The following SETD1A variants were observed in gnomAD, a reference collection of about 807,000 sequenced individuals.
The protein encoded by SETD1A is SET domain containing 1A, histone lysine methyltransferase, also known as histone-lysine N-methyltransferase SETD1A.
A neutral mutation model predicts 149.9 loss-of-function variants in SETD1A; 29 were observed. The observed-to-expected ratio is 0.19, with a 90% CI of 0.14 to 0.26. SETD1A has a LOEUF of 0.26. SETD1A is among the 10% of genes least tolerant of loss of function. The probability of loss-of-function intolerance (pLI) is 1.00; values close to 1 mark genes in which losing one functional copy is unlikely to be tolerated. For missense variants in SETD1A, 2,109 were observed against 2,353.1 expected (o/e 0.90, Z 2.15); for synonymous variants, 1,141 against 968.5 (o/e 1.18, Z -3.31).
In SETD1A at chr16:30,964,687, T is replaced by A; in HGVS notation, c.945T>A (p.Ser315=). The part of the protein sequence containing the change: ...YQDAFSRRHF[S]ASSASTTAST... ...ATGCCTTTTCCCGCCGCCACTTCTC[T>A]GCATCTTCAGCCTCCACAACCGCCT... is the stretch of plus-strand genomic sequence containing the variant. The change falls in exon 7 of 19, where the codon TCT becomes TCA. Residue 315 remains serine (S), a synonymous_variant. Transcript: ENST00000262519. 1.2e-6 allele frequency: 2 copies of A among 1,614,112 alleles called. No individual in the cohort carries two copies.
Position 30,965,905 on chromosome 16 carries a change from G to A in SETD1A, c.2024G>A (p.Gly675Glu). ...GACCGACTTGGGGCTCAGTGGGGAG[G>A]GATGCCCATGTCCTTCCAGATGCAG... ...LMDRLGAQWG[G>E]MPMSFQMQTQ... The change falls in exon 8 of 19, where the codon GGG (glycine) becomes GAG (glutamate). Residue 675 changes from glycine (G) to glutamate (E), a missense_variant. By Grantham distance (98) the Gly-to-Glu change is moderately conservative. This residue lies in a region of SETD1A where 431 missense variants were observed against 388.6 expected (regional missense o/e 1.11). Coordinates refer to ENST00000262519, the MANE Select transcript of SETD1A (RefSeq NM_014712.3). The A allele has an allele frequency of 1.2e-6, 2 of 1,613,248 alleles. No homozygotes were observed. The highest frequency in any genetic ancestry group is 1.7e-6 in the Non-Finnish European group (2 of 1,179,724).
chr16:30,973,815 G>A (rs919264251), intron 13 of SETD1A, among the ~76,000 whole-genome samples: 4 of 152,100 alleles, frequency 2.6e-5, no homozygotes, highest in South Asian at 4.1e-4. Flanking sequence ...GAGTTGAGGC[G>A]CTCATTACAC....
At chr16:30,977,946 G>A (rs2056304128) in intron 13 of SETD1A, among the ~76,000 whole-genome samples, 1 of 152,156 alleles carries the variant, frequency 6.6e-6, no homozygotes, top group Admixed American at 6.5e-5. Context: ...TCTGGTAACT[G>A]ACCACATCTC....
At chr16:30,977,137 G>A (rs747515956) in intron 13 of SETD1A, among the ~76,000 whole-genome samples, 1 of 152,178 alleles carries the variant, frequency 6.6e-6, no homozygotes, top group Non-Finnish European at 1.5e-5. Flanking sequence ...GTAGAGACGG[G>A]ATTTCACCAT....
Position 30,964,354 on chromosome 16 carries a change from C to T in SETD1A, c.869+31C>T, listed in dbSNP as rs375046623. ...GAGCAGACCCCGCCTGGGGCCCCGC[C>T]CGCAAAGTCTGGGAGCTGCCACTGG... On this transcript the variant is annotated intron_variant, in intron 6 of 18. Coordinates refer to ENST00000262519, the MANE Select transcript of SETD1A (RefSeq NM_014712.3). 5 of 1,561,398 alleles carry T rather than the reference C, an allele frequency of 3.2e-6. No homozygotes were observed. The African/African-American group carries it at 6.8e-5, about 21-fold the overall frequency.
In SETD1A at chr16:30,964,258, C is replaced by T. The variant is rs1410915769; in HGVS notation, c.804C>T (p.Ser268=). 1 of 1,614,016 alleles carries T rather than the reference C, an allele frequency of 6.2e-7. No individual in the cohort carries two copies. Among genetic ancestry groups the T allele is most frequent in the East Asian group, 2.2e-5 (1 of 44,868 alleles). ...SSFGQFTPQS[S]QGTPYTSRGS... ...TTGGCCAGTTCACACCTCAGTCCTC[C>T]CAAGGAACCCCCTACACGTCTCGGG... Residue 268 remains serine (S), a synonymous_variant, in exon 6 of 19, where the codon TCC becomes TCT. Transcript: ENST00000262519.
In SETD1A at chr16:30,979,322, C is replaced by G. The variant is rs768567614; in HGVS notation, c.3536C>G (p.Pro1179Arg). 1.9e-5 allele frequency: 30 copies of G among 1,613,382 alleles called. No homozygotes were observed. Among genetic ancestry groups the G allele is most frequent in the Admixed American group, 5.0e-5 (3 of 59,990 alleles). Reference protein sequence around the residue: ...SFSAIEVVPAPEPPPATPPQA... With the variant: ...SFSAIEVVPAREPPPATPPQA... The stretch of plus-strand genomic sequence containing the variant: ...TCTGCCATCGAGGTGGTGCCAGCCC[C>G]GGAGCCCCCTCCAGCCACACCGCCG... The change falls in exon 14 of 19, where the codon CCG becomes CGG. Residue 1179 changes from proline to arginine, a missense_variant. By Grantham distance (103) the Pro-to-Arg change is moderately radical (BLOSUM62 -2). Around this residue, in one of 8 missense-constraint regions of SETD1A, gnomAD observed 832 missense variants for 815.6 expected, o/e 1.02. Transcript: ENST00000262519.
chr16:30,959,063 C>T (rs761289402), intron 2 of SETD1A, 28 bp from the exon 3 acceptor site: 178 of 1,561,414 alleles, frequency 1.1e-4, no homozygotes, highest in Non-Finnish European at 1.5e-4. Context: ...ACCCTGAGCT[C>T]TCTTTCTGCT....
chr16:30,973,926 C>T (rs892112752), intron 13 of SETD1A, among the ~76,000 whole-genome samples: 1 of 152,096 alleles, frequency 6.6e-6, no homozygotes, highest in Admixed American at 6.6e-5. Context: ...CTCTTCCATT[C>T]TCATCAGAGC....
intron 10 of SETD1A, among the ~76,000 whole-genome samples, chr16:30,968,141 C>T (rs1433174004): frequency 6.6e-6 from 1 of 152,182 alleles, no homozygotes; most frequent in Non-Finnish European, 1.5e-5. Context: ...GCAGTGGCTC[C>T]TGACTGTAAT....
intron 10 of SETD1A, among the ~76,000 whole-genome samples, chr16:30,968,812 A>G (rs996085140): frequency 6.6e-6 from 1 of 150,716 alleles, no homozygotes; most frequent in Non-Finnish European, 1.5e-5. Context: ...AAAAAAAAAT[A>G]TATATATATA....
chr16:30,961,195 TA>T lies in SETD1A; in HGVS notation c.247-69del. 6.6e-7 allele frequency: 1 copy of T among 1,514,342 alleles called. No individual in the cohort carries two copies. The highest frequency in any genetic ancestry group is 1.2e-5 in the South Asian group (1 of 84,910). 93.8% of individuals were successfully genotyped at this position (1,514,342 alleles called of 1,614,324 possible). ...TCTCTCTTGACTTCATGGAGCTTGC[TA>T]AAGTTTCCCGAAGGACAAAGGAACA... is the stretch of plus-strand genomic sequence containing the variant. On this transcript the variant is annotated intron_variant, in intron 3 of 18. Coordinates refer to ENST00000262519, the MANE Select transcript of SETD1A (RefSeq NM_014712.3). This position sits in a 1 kb window ranked among gnomAD's most constrained non-coding sequence, Gnocchi z 4.0.
chr16:30,960,065 G>A (rs868369061), intron 3 of SETD1A, among the ~76,000 whole-genome samples: 2 of 152,096 alleles, frequency 1.3e-5, no homozygotes, highest in Non-Finnish European at 1.5e-5. Context: ...GTTGGTCACC[G>A]AATCCTCCTG....
Position 30,983,739 on chromosome 16 carries a change from C to T in SETD1A, c.4917C>T (p.Gly1639=), listed in dbSNP as rs143177287. The T allele has an allele frequency of 1.7e-5, 27 of 1,614,042 alleles. No homozygotes were observed. The highest frequency in any genetic ancestry group is 2.3e-5 in the Non-Finnish European group (27 of 1,180,020). ...HDTIIDATKC[G]NLARFINHCC... ...CCATCATCGATGCCACCAAGTGTGG[C>T]AACCTGGCCAGATTCATCAACCACT... Residue 1639 remains glycine (G), a synonymous_variant, in exon 18 of 19, where the codon GGC becomes GGT. Transcript: ENST00000262519. The surrounding 1 kb of genome is among the most constrained non-coding windows in gnomAD (Gnocchi z 6.8).
rs1344808628 is a variant in SETD1A, at chr16:30,961,367, A to G, written c.347A>G (p.Lys116Arg). The change falls in exon 4 of 19, where the codon AAG becomes AGG. Residue 116 changes from lysine (K) to arginine (R), a missense_variant. Coordinates refer to ENST00000262519, the MANE Select transcript of SETD1A (RefSeq NM_014712.3). The surrounding 1 kb of genome is among the most constrained non-coding windows in gnomAD (Gnocchi z 4.0). ...ACCTTCCTGAAGGATATGTGCCGTA[A>G]GTACGGTGAGGTGGAAGAGGTAGAG... ...RETFLKDMCR[K>R]YGEVEEVEIL... 1 of 1,614,216 alleles carries G rather than the reference A, an allele frequency of 6.2e-7. No individual in the cohort carries two copies. Among genetic ancestry groups the G allele is most frequent in the Non-Finnish European group, 8.5e-7 (1 of 1,180,046 alleles).
chr16:30,966,529 T>C (rs1027007241), intron 8 of SETD1A, 143 bp downstream of exon 8: 4 of 1,330,256 alleles, frequency 3.0e-6, no homozygotes, highest in African/African-American at 1.5e-5. Flanking sequence ...CCACCCTGGG[T>C]GGGCAGGGGA....
chr16:30,981,534 C>T (rs1236431707), intron 17 of SETD1A, among the ~76,000 whole-genome samples: 1 of 152,188 alleles, frequency 6.6e-6, no homozygotes, highest in Non-Finnish European at 1.5e-5. Flanking sequence ...GCCACCATGC[C>T]CAGCTAATTT....
rs2056126368 is a variant in SETD1A at position 30,965,414 on chromosome 16, G to A, written c.1672G>A (p.Glu558Lys). 6.2e-7 allele frequency: 1 copy of A among 1,604,132 alleles called. No homozygotes were observed. The highest frequency in any genetic ancestry group is 8.5e-7 in the Non-Finnish European group (1 of 1,172,590). The change falls in exon 7 of 19, where the codon GAG (glutamate) becomes AAG (lysine). Residue 558 changes from glutamate to lysine, a missense_variant. By Grantham distance (56) the Glu-to-Lys change is moderately conservative (BLOSUM62 1). This residue lies in a region of SETD1A where 431 missense variants were observed against 388.6 expected (regional missense o/e 1.11). Coordinates refer to ENST00000262519, the MANE Select transcript of SETD1A (RefSeq NM_014712.3). Reference protein sequence around the residue: ...FEDVAPTGSGEPGATRESPKA... With the variant: ...FEDVAPTGSGKPGATRESPKA... ...GGATGTGGCACCTACAGGGAGCGGG[G>A]AGCCAGGGGCTACCCGGGAGTCTCC...
chr16:30,973,340 G>A (rs1327209642), intron 13 of SETD1A, among the ~76,000 whole-genome samples: 1 of 152,166 alleles, frequency 6.6e-6, no homozygotes, highest in East Asian at 1.9e-4. Context: ...GCGAATTATG[G>A]TGATAGCTTG....
Sources: gnomAD v4.1 joint callset for allele counts (sites outside exome capture counted in the v4.1 genomes callset) on GRCh38, gnomAD v4.1.1 for gene constraint, gnomAD v4.1.1 regional missense constraint, Gnocchi (gnomAD v3.1) non-coding constraint, MANE v1.5 for transcripts, NCBI Gene and HGNC (gene_info 2026-07-23, HGNC 2026-07-21) for gene names.